The following GPR153 variants were observed in gnomAD, a reference collection of about 807,000 sequenced individuals.
The protein encoded by GPR153 is probable G protein-coupled receptor 153.
In GPR153, 27 loss-of-function variants were observed where a neutral mutation model predicts 34.1. The observed-to-expected ratio is 0.79, with a 90% CI of 0.58 to 1.09. GPR153 has a LOEUF of 1.09. GPR153 is among the 50% of genes least tolerant of loss of function. The probability of loss-of-function intolerance (pLI) is 0.00; values close to 1 mark genes in which losing one functional copy is unlikely to be tolerated. For missense variants in GPR153, 848 were observed against 860.2 expected (o/e 0.99, Z 0.18); for synonymous variants, 408 against 405.4 (o/e 1.01, Z -0.08).
intron 3 of GPR153, among the ~76,000 whole-genome samples, chr1:6,252,642 C>T (rs1638473978): frequency 6.6e-6 from 1 of 152,200 alleles, no homozygotes; most frequent in Non-Finnish European, 1.5e-5. Flanking sequence ...GAGCTCATGT[C>T]CTCATGTCCT....
chr1:6,251,305 C>T lies in GPR153; in HGVS notation c.979+33G>A. 3.2e-6 allele frequency: 5 copies of T among 1,542,248 alleles called. No homozygotes were observed. The highest frequency in any genetic ancestry group is 2.3e-5 in the East Asian group (1 of 43,958). On this transcript the variant is annotated intron_variant, in intron 4 of 5. Coordinates refer to ENST00000377893, the MANE Select transcript of GPR153 (RefSeq NM_207370.4). The surrounding 1 kb of genome is among the most constrained non-coding windows in gnomAD (Gnocchi z 4.9). ...CCCCAATGACCTAACCTAGACGCCA[C>T]TCTCCCTGGGGCCACTCTCAGGCCA...
Position 6,254,915 on chromosome 1 carries a change from C to A in GPR153, c.-10G>T. 2 of 1,523,952 alleles carry A rather than the reference C, an allele frequency of 1.3e-6. No homozygotes were observed. Among genetic ancestry groups the A allele is most frequent in the Non-Finnish European group, 1.8e-6 (2 of 1,135,692 alleles). The allele number at this position is 1,523,952 out of a possible 1,614,324, so 94.4% of individuals were successfully genotyped here. A position where few individuals can be genotyped will look rare whatever the true frequency, so the allele number is the denominator to read the frequency against. On this transcript the variant is annotated 5_prime_UTR_variant, in exon 2 of 6. Coordinates refer to ENST00000377893, the MANE Select transcript of GPR153 (RefSeq NM_207370.4). ...GCCGCTCATCACTCATGGTGCAGACCGGAGCTGGCAGGCGGCTGTGGCATC... is the reference window on the plus strand; with the variant it reads ...GCCGCTCATCACTCATGGTGCAGACAGGAGCTGGCAGGCGGCTGTGGCATC...
chr1:6,255,652 T>TTC (rs1553152918), intron 1 of GPR153, among the ~76,000 whole-genome samples: 1 of 123,360 alleles, frequency 8.1e-6, no homozygotes, highest in Non-Finnish European at 1.6e-5. Context: ...GTTTTTTTTT[T>TTC]TTTTTTTTTT....
intron 1 of GPR153, among the ~76,000 whole-genome samples, chr1:6,258,813 A>G (rs1003375627): frequency 2.6e-5 from 4 of 150,968 alleles, no homozygotes; most frequent in Admixed American, 6.6e-5. Flanking sequence ...AGCTCTGTCT[A>G]GCCCCGTGAC....
In GPR153 at chr1:6,249,196, G is replaced by A. The variant is rs968805472; in HGVS notation, c.*142C>T. On this transcript the variant is annotated 3_prime_UTR_variant, in exon 6 of 6. Coordinates refer to ENST00000377893, the MANE Select transcript of GPR153 (RefSeq NM_207370.4). The surrounding 1 kb of genome is among the most constrained non-coding windows in gnomAD (Gnocchi z 4.3). ...CAAGGCCAGCTGGGAGGAGCCGGAA[G>A]ACAAACGCTGAGGCCAACGCCCCCT... 5 of 587,204 alleles carry A rather than the reference G, an allele frequency of 8.5e-6. No homozygotes were observed. The Admixed American group carries it at 1.3e-4, about 16-fold the overall frequency. 36.4% of individuals were successfully genotyped at this position (587,204 alleles called of 1,614,324 possible).
chr1:6,251,372 C>A lies in GPR153; in HGVS notation c.945G>T (p.Met315Ile). 1.9e-6 allele frequency: 3 copies of A among 1,612,434 alleles called. No individual in the cohort carries two copies. The highest frequency in any genetic ancestry group is 1.1e-5 in the South Asian group (1 of 90,910). ...ACTCCTCGTCGTTGGCCATGAGGGC[C>A]ATGCACTTCTCCCGGACAGCTTTGA... ...ADLKAVREKC[M>I]ALMANDEESD... The change falls in exon 4 of 6, where the codon ATG becomes ATT. Residue 315 changes from methionine to isoleucine, a missense_variant. Met to Ile is a conservative substitution (Grantham distance 10, BLOSUM62 1). Transcript: ENST00000377893. The surrounding 1 kb of genome is among the most constrained non-coding windows in gnomAD (Gnocchi z 4.9).
At chr1:6,258,177 T>C (rs982008356) in intron 1 of GPR153, among the ~76,000 whole-genome samples, 1 of 152,138 alleles carries the variant, frequency 6.6e-6, no homozygotes, top group Non-Finnish European at 1.5e-5. Flanking sequence ...GTTTTACTCT[T>C]ATTACCCAGG....
At chr1:6,257,493 T>C (rs1017303287) in intron 1 of GPR153, among the ~76,000 whole-genome samples, 1 of 152,220 alleles carries the variant, frequency 6.6e-6, no homozygotes, top group African/African-American at 2.4e-5. Flanking sequence ...TCCCTGCACC[T>C]TCTCCTCTAA....
chr1:6,255,702 G>A (rs1375421577), intron 1 of GPR153, among the ~76,000 whole-genome samples: 1 of 130,296 alleles, frequency 7.7e-6, no homozygotes, highest in Non-Finnish European at 1.6e-5. Context: ...ACCCAGGCTG[G>A]AGTGCAATGG....
rs1209937277 is a variant in GPR153, at chr1:6,253,901, C to T, written c.603G>A (p.Val201=). 1 of 1,609,146 alleles carries T rather than the reference C, an allele frequency of 6.2e-7. No homozygotes were observed. The highest frequency in any genetic ancestry group is 8.5e-7 in the Non-Finnish European group (1 of 1,178,016). ...GGCGGTCGGCCTGGCGCCCCACCTG[C>T]ACGGCCAGCGTCTGGAAGAGGGCGA... ...TAIALFQTLA[V]QVGRQADRRA... is the part of the protein sequence containing the mutation. The change falls in exon 3 of 6, where the codon GTG becomes GTA. Residue 201 remains valine, a synonymous_variant. Coordinates refer to ENST00000377893, the MANE Select transcript of GPR153 (RefSeq NM_207370.4).
chr1:6,249,371 C>A lies in GPR153; in HGVS notation c.1797G>T (p.Thr599=). ...CGGAGCCCAGCGAGTCCGAGTGCAG[C>A]GTGGCGTAGCCCGAGGACTCGGAGG... is the stretch of plus-strand genomic sequence containing the variant. The part of the protein sequence containing the change: ...SSPSESSGYA[T]LHSDSLGSAS Residue 599 remains threonine, a synonymous_variant, in exon 6 of 6, where the codon ACG becomes ACT. Transcript: ENST00000377893. The surrounding 1 kb of genome is among the most constrained non-coding windows in gnomAD (Gnocchi z 4.3). The A allele has an allele frequency of 7.4e-7, 1 of 1,342,516 alleles. No individual in the cohort carries two copies. Among genetic ancestry groups the A allele is most frequent in the Non-Finnish European group, 9.5e-7 (1 of 1,051,772 alleles). The allele number at this position is 1,342,516 out of a possible 1,614,324, so 83.2% of individuals were successfully genotyped here.
rs1033522325 is a variant in GPR153, at chr1:6,251,768, A to C, written c.787-238T>G. ...TGCTCTGTCTTCCTCCTGGCTGCCC[A>C]TGGAGAGAAGTGGGGCATGGATTAC... On this transcript the variant is annotated intron_variant, in intron 3 of 5. Coordinates refer to ENST00000377893, the MANE Select transcript of GPR153 (RefSeq NM_207370.4). This position sits in a 1 kb window ranked among gnomAD's most constrained non-coding sequence, Gnocchi z 4.9. Among the ~76,000 whole-genome samples the C allele has an allele frequency of 6.6e-6, 1 of 152,152 alleles. No homozygotes were observed. The highest frequency in any genetic ancestry group is 1.5e-5 in the Non-Finnish European group (1 of 68,008).
At chr1:6,256,927 GCACTCTCCTCTC>G (rs1335999199) in intron 1 of GPR153, among the ~76,000 whole-genome samples, 2 of 152,216 alleles carry the variant, frequency 1.3e-5, no homozygotes, top group African/African-American at 2.4e-5. Context: ...ACATCAGGCT[GCACTCTCCTCTC>G]CACGCCCCGG....
intron 1 of GPR153, among the ~76,000 whole-genome samples, chr1:6,260,573 C>A (rs1349139441): frequency 6.6e-6 from 1 of 151,926 alleles, no homozygotes; most frequent in African/African-American, 2.4e-5. Flanking sequence ...CGCGCCCCGC[C>A]CCCGTCCCCT....
chr1:6,257,169 C>G (rs1221303086), intron 1 of GPR153, among the ~76,000 whole-genome samples: 1 of 152,254 alleles, frequency 6.6e-6, no homozygotes, highest in African/African-American at 2.4e-5. Context: ...CTCTTGCCAT[C>G]AAATGTTCCA....
rs1474947940 is a variant in GPR153 at position 6,247,814 on chromosome 1, A to T, written c.*1524T>A. On this transcript the variant is annotated 3_prime_UTR_variant, in exon 6 of 6. Transcript: ENST00000377893. ...CCTCCCGCGGCCAGGGCTGGATTGC[A>T]GTTCCCTGCCTTGCTCACCTGTGGC... 1 of 152,314 alleles carries T rather than the reference A, an allele frequency of 6.6e-6. No homozygotes were observed. The highest frequency in any genetic ancestry group is 2.4e-5 in the African/African-American group (1 of 41,454). The allele number at this position is 152,314 out of a possible 1,614,324, so 9.4% of individuals were successfully genotyped here.
chr1:6,260,212 G>A (rs1037856081), intron 1 of GPR153, among the ~76,000 whole-genome samples: 1 of 152,100 alleles, frequency 6.6e-6, no homozygotes, highest in Non-Finnish European at 1.5e-5. Context: ...GCTGCGCCCC[G>A]GCTTCCGCCC....
intron 2 of GPR153, 32 bp downstream of exon 2, chr1:6,254,518 A>AC: frequency 6.6e-7 from 1 of 1,512,574 alleles, no homozygotes; most frequent in Non-Finnish European, 8.9e-7. Flanking sequence ...CCTGCTTAGA[A>AC]CCCCAAGAAC....
At chr1:6,250,672 A>G in intron 4 of GPR153, 48 bp from the exon 5 acceptor site, 1 of 686,754 alleles carries the variant, frequency 1.5e-6, no homozygotes, top group Non-Finnish European at 2.4e-6. Context: ...GGGTCATGGA[A>G]ACTTGGGGGC....
Sources: gnomAD v4.1 joint callset for allele counts (sites outside exome capture counted in the v4.1 genomes callset) on GRCh38, gnomAD v4.1.1 for gene constraint, Gnocchi (gnomAD v3.1) non-coding constraint, MANE v1.5 for transcripts, NCBI Gene and HGNC (gene_info 2026-07-23, HGNC 2026-07-21) for gene names.